Variants in STX8 observed in about 807,000 individuals in gnomAD.
STX8 encodes the protein syntaxin-8.
In STX8, 23 loss-of-function variants were observed where a neutral mutation model predicts 37.5. That is an observed-to-expected ratio of 0.61 (90% CI 0.44 to 0.87). The LOEUF is 0.87. STX8 is among the 40% of genes least tolerant of loss of function. The pLI is 0.00. For missense variants in STX8, 313 were observed against 284.7 expected (o/e 1.10, Z -0.71); for synonymous variants, 115 against 99.1 (o/e 1.16, Z -0.95).
intron 7 of STX8, among the ~76,000 whole-genome samples, chr17:9,372,941 C>T (rs558409297): frequency 2.0e-4 from 30 of 150,238 alleles, no homozygotes; most frequent in African/African-American, 7.3e-4. Context: ...CTGTCTTTAA[C>T]AAAAATACAA....
At chr17:9,505,946 A>G (rs1029752001) in intron 4 of STX8, among the ~76,000 whole-genome samples, 2 of 150,658 alleles carry the variant, frequency 1.3e-5, no homozygotes, top group African/African-American at 4.8e-5. Context: ...TGTCTCAAAA[A>G]AAAAAAAAAA....
At chr17:9,318,300 T>C (rs1337308319) in intron 7 of STX8, among the ~76,000 whole-genome samples, 1 of 145,304 alleles carries the variant, frequency 6.9e-6, no homozygotes, top group Non-Finnish European at 1.5e-5. Context: ...GGCCCCAGTG[T>C]GTGATGTTCC....
chr17:9,426,039 TGTTA>T (rs1409143842), intron 6 of STX8, among the ~76,000 whole-genome samples: 8 of 144,194 alleles, frequency 5.5e-5, no homozygotes, highest in African/African-American at 2.2e-4. Context: ...AAAAGCACCC[TGTTA>T]ATTAGAACCT....
At chr17:9,487,938 C>G (rs2142468759) in intron 6 of STX8, among the ~76,000 whole-genome samples, 2 of 152,322 alleles carry the variant, frequency 1.3e-5, no homozygotes, top group East Asian at 3.9e-4. Flanking sequence ...CACTGCTTCT[C>G]AAATCTGGCA....
At chr17:9,261,903 T>TA (rs1341925163) in intron 7 of STX8, among the ~76,000 whole-genome samples, 3 of 152,218 alleles carry the variant, frequency 2.0e-5, no homozygotes, top group African/African-American at 7.2e-5. Flanking sequence ...GGAACTCTGT[T>TA]ACGGATATCT....
intron 6 of STX8, among the ~76,000 whole-genome samples, chr17:9,401,886 A>C (rs1462205668): frequency 1.3e-5 from 2 of 152,106 alleles, no homozygotes; most frequent in African/African-American, 4.8e-5. Context: ...CTTTGTGGAA[A>C]AGTTATCTAC....
chr17:9,471,932 T>C (rs1342407727), intron 6 of STX8, among the ~76,000 whole-genome samples: 1 of 152,204 alleles, frequency 6.6e-6, no homozygotes, highest in Non-Finnish European at 1.5e-5. Flanking sequence ...ACAGTAATTA[T>C]GTTCCATAAA....
rs1266776283 is a variant in STX8, at chr17:9,545,265, T to C, written c.230A>G (p.Asp77Gly). 6.2e-7 allele frequency: 1 copy of C among 1,613,900 alleles called. No individual in the cohort carries two copies. Among genetic ancestry groups the C allele is most frequent in the Admixed American group, 1.7e-5 (1 of 59,990 alleles). Residue 77 changes from aspartate (D) to glycine (G), a missense_variant, in exon 4 of 8, where the codon GAC (aspartate) becomes GGC (glycine). By Grantham distance (94) the Asp-to-Gly change is moderately conservative. Transcript: ENST00000306357. ...STHQITQLEG[D>G]RRQNLLDDLV... ...ATCATCCAAGAGGTTCTGTCTTCGG[T>C]CCCCTTCAAGCTGTGTTCTGCAGAT...
intron 5 of STX8, among the ~76,000 whole-genome samples, chr17:9,499,747 A>G (rs1407031101): frequency 6.6e-6 from 1 of 152,156 alleles, no homozygotes; most frequent in African/African-American, 2.4e-5. Flanking sequence ...AGAGAAACTG[A>G]CCTGCAACCT....
intron 3 of STX8, among the ~76,000 whole-genome samples, chr17:9,550,210 T>C (rs1318479307): frequency 5.2e-4 from 62 of 119,206 alleles, no homozygotes; most frequent in Middle Eastern, 0.012. Context: ...GGCAACAAAG[T>C]GAGACTCCAT....
intron 7 of STX8, among the ~76,000 whole-genome samples, chr17:9,343,018 C>CAAAA (rs4063994): frequency 5.0e-4 from 55 of 110,526 alleles, no homozygotes; most frequent in African/African-American, 2.0e-3. Flanking sequence ...GAAACTGTCT[C>CAAAA]AAAAAAAAAA....
intron 7 of STX8, among the ~76,000 whole-genome samples, chr17:9,329,975 T>TAA (rs1254176975): frequency 6.6e-6 from 1 of 152,026 alleles, no homozygotes; most frequent in Non-Finnish European, 1.5e-5. Flanking sequence ...AGGGTGCAGC[T>TAA]GGTCATAGCT....
chr17:9,310,640 G>C (rs1391613391), intron 7 of STX8, among the ~76,000 whole-genome samples: 2 of 152,098 alleles, frequency 1.3e-5, no homozygotes, highest in African/African-American at 2.4e-5. Context: ...GGGCTGAGAT[G>C]AATCTTGTGG....
intron 2 of STX8, among the ~76,000 whole-genome samples, chr17:9,561,588 G>A (rs1219264816): frequency 6.8e-6 from 1 of 146,014 alleles, no homozygotes; most frequent in Non-Finnish European, 1.5e-5. Context: ...GAACCTGGGA[G>A]GCTCGGAGGT....
rs900246732 is a variant in STX8, at chr17:9,458,930, C to T, written c.541+32899G>A. Among the ~76,000 whole-genome samples the T allele has an allele frequency of 4.0e-5, 6 of 151,674 alleles. No homozygotes were observed. In the South Asian group the frequency reaches 1.2e-3, roughly 32 times the overall value. On this transcript the variant is annotated intron_variant, in intron 6 of 7. Coordinates refer to ENST00000306357, the MANE Select transcript of STX8 (RefSeq NM_004853.3). The stretch of plus-strand genomic sequence containing the variant: ...CTGCAAGCTCCACCTCCCGGGTTCA[C>T]GCCATTCTCCTGCCTCAACCTCCTG...
chr17:9,475,380 C>T (rs1443346203), intron 6 of STX8, among the ~76,000 whole-genome samples: 1 of 152,184 alleles, frequency 6.6e-6, no homozygotes, highest in African/African-American at 2.4e-5. Context: ...CCTGGAGAGG[C>T]TCCAAGCTTA....
intron 7 of STX8, among the ~76,000 whole-genome samples, chr17:9,265,943 G>A (rs1271428469): frequency 1.3e-5 from 2 of 152,056 alleles, no homozygotes; most frequent in Non-Finnish European, 1.5e-5. Context: ...TATCATACGG[G>A]GTGGCTGAAA....
At chr17:9,431,238 TG>T (rs1913959930) in intron 6 of STX8, among the ~76,000 whole-genome samples, 1 of 118,756 alleles carries the variant, frequency 8.4e-6, no homozygotes, top group Non-Finnish European at 2.0e-5. Flanking sequence ...TTTATTTTTC[TG>T]TTTTTTTTTT....
At chr17:9,385,016 GAAAA>G (rs58386863) in intron 6 of STX8, among the ~76,000 whole-genome samples, 36 of 131,188 alleles carry the variant, frequency 2.7e-4, no homozygotes, top group Admixed American at 2.4e-3. Context: ...GCTTCTAAAA[GAAAA>G]AAAAAAAAGA....
Sources: allele counts gnomAD v4.1 joint callset (sites outside exome capture counted in the v4.1 genomes callset), GRCh38; gene constraint gnomAD v4.1.1; transcripts MANE v1.5; gene names NCBI Gene and HGNC (gene_info 2026-07-23, HGNC 2026-07-21).